The following WDR35 variants were observed in gnomAD, a reference collection of about 807,000 sequenced individuals.
WDR35 encodes WD repeat domain 35.
A neutral mutation model predicts 158.3 loss-of-function variants in WDR35; 118 were observed. The observed-to-expected ratio is 0.75, with a 90% CI of 0.64 to 0.87. The LOEUF (loss-of-function observed/expected upper bound fraction) is 0.87, where lower values mean the gene tolerates loss of function less well. Ranked by LOEUF, WDR35 falls within the 40% of genes least tolerant of loss-of-function variation. The pLI, the probability that WDR35 is intolerant of heterozygous loss-of-function variation, is 0.00. For missense variants in WDR35, 1,263 were observed against 1,405.8 expected (o/e 0.90, Z 1.62); for synonymous variants, 448 against 476.1 (o/e 0.94, Z 0.77).
intron 7 of WDR35, 25 bp from the exon 8 acceptor site, chr2:19,973,733 T>G (rs1384688505): frequency 6.2e-7 from 1 of 1,604,098 alleles, no homozygotes; most frequent in Admixed American, 1.7e-5. Flanking sequence ...AAAAATGAGG[T>G]CACTGTGGGA....
chr2:19,913,463 C>G lies in WDR35; in HGVS notation c.*95G>C. ...ATAAATAATGAGGCTGATTTTCATA[C>G]AAAACTCACAGAAATAAACCTTATT... On this transcript the variant is annotated 3_prime_UTR_variant, in exon 27 of 27. Transcript: ENST00000281405. The G allele has an allele frequency of 6.7e-7, 1 of 1,490,832 alleles. No homozygotes were observed. Among genetic ancestry groups the G allele is most frequent in the Non-Finnish European group, 9.2e-7 (1 of 1,089,618 alleles). The allele number at this position is 1,490,832 out of a possible 1,614,324, so 92.4% of individuals were successfully genotyped here.
At chr2:19,976,682 T>C (rs571707363) in intron 5 of WDR35, among the ~76,000 whole-genome samples, 2 of 137,412 alleles carry the variant, frequency 1.5e-5, no homozygotes, top group Non-Finnish European at 3.1e-5. Flanking sequence ...CTAAAGCCAA[T>C]TGATACTTTT....
Position 19,945,684 on chromosome 2 carries a change from C to T in WDR35, c.1845+102G>A. ...AGAAATTCATGCAGCCGTGTTGGCACTGCTATTCAACAAACTTCTTAAAGA... is the reference window on the plus strand; with the variant it reads ...AGAAATTCATGCAGCCGTGTTGGCATTGCTATTCAACAAACTTCTTAAAGA... On this transcript the variant is annotated intron_variant, in intron 16 of 26. Transcript: ENST00000281405. 2.4e-6 allele frequency: 3 copies of T among 1,274,198 alleles called. No homozygotes were observed. The South Asian group carries it at 3.6e-5, about 15-fold the overall frequency. 78.9% of individuals were successfully genotyped at this position (1,274,198 alleles called of 1,614,324 possible). A position where few individuals can be genotyped will look rare whatever the true frequency, so the allele number is the denominator to read the frequency against.
intron 24 of WDR35, among the ~76,000 whole-genome samples, chr2:19,930,973 A>G (rs1418849452): frequency 6.6e-6 from 1 of 152,226 alleles, no homozygotes; most frequent in Non-Finnish European, 1.5e-5. Context: ...AAGTTTTAAA[A>G]CTCACTGATT....
Position 19,938,070 on chromosome 2 carries a change from T to C in WDR35, c.2064-124A>G, listed in dbSNP as rs140617897. ...TAGAGAAACATGGTGGAAAGTAACA[T>C]ATGCAAACATTTTTCAAATAATTTT... On this transcript the variant is annotated intron_variant, in intron 18 of 26. Transcript: ENST00000281405. 5.0e-4 allele frequency: 689 copies of C among 1,366,776 alleles called. 2 individuals carry two copies. The African/African-American group carries it at 8.9e-3, about 18-fold the overall frequency. The allele number at this position is 1,366,776 out of a possible 1,614,324, so 84.7% of individuals were successfully genotyped here. A position where few individuals can be genotyped will look rare whatever the true frequency, so the allele number is the denominator to read the frequency against.
At chr2:19,919,399 G>GA (rs753129441) in intron 25 of WDR35, among the ~76,000 whole-genome samples, 66 of 85,138 alleles carry the variant, frequency 7.8e-4, no homozygotes, top group African/African-American at 2.8e-3. Flanking sequence ...AAAAAAAAAA[G>GA]AAAAGAAAAA....
At chr2:19,947,831 T>G (rs901271859) in intron 14 of WDR35, among the ~76,000 whole-genome samples, 1 of 152,218 alleles carries the variant, frequency 6.6e-6, no homozygotes. Context: ...ATCCCTGTAC[T>G]GCTTTCATAA....
intron 25 of WDR35, among the ~76,000 whole-genome samples, chr2:19,924,749 C>T (rs962525514): frequency 3.9e-5 from 6 of 152,024 alleles, no homozygotes; most frequent in Non-Finnish European, 1.5e-5. Flanking sequence ...TCTGCTAGCA[C>T]GAGCAATGGC....
chr2:19,933,262 T>G (rs1172964061), intron 22 of WDR35, 139 bp downstream of exon 22: 11 of 733,818 alleles, frequency 1.5e-5, no homozygotes, highest in Non-Finnish European at 2.6e-5. Context: ...CCTGGCTCCT[T>G]TCATAAAATT....
intron 10 of WDR35, among the ~76,000 whole-genome samples, chr2:19,965,494 G>A (rs1671820191): frequency 6.6e-6 from 1 of 152,208 alleles, no homozygotes; most frequent in Non-Finnish European, 1.5e-5. Context: ...TCTTGAACAG[G>A]TCGAATTCTC....
chr2:19,972,368 T>TTTAGAACCCATG (rs1672058632), intron 8 of WDR35, among the ~76,000 whole-genome samples: 1 of 152,172 alleles, frequency 6.6e-6, no homozygotes, highest in Non-Finnish European at 1.5e-5. Flanking sequence ...ACAAACAGAC[T>TTTAGAACCCATG]TTAGAACCCA....
chr2:19,910,901 C>A lies in WDR35; in HGVS notation c.*2657G>T, dbSNP rs553250939. On this transcript the variant is annotated 3_prime_UTR_variant, in exon 27 of 27. Transcript: ENST00000281405. ...GATACCAAAGAGGCATAAGCTTTTACAAAAGTAAAAAAGATGTGCCTGTCT... is the reference window on the plus strand; with the variant it reads ...GATACCAAAGAGGCATAAGCTTTTAAAAAAGTAAAAAAGATGTGCCTGTCT... 1.3e-5 allele frequency: 2 copies of A among 152,186 alleles called. No homozygotes were observed. The highest frequency in any genetic ancestry group is 3.9e-4 in the East Asian group (2 of 5,186). 9.4% of individuals were successfully genotyped at this position (152,186 alleles called of 1,614,324 possible). A position where few individuals can be genotyped will look rare whatever the true frequency, so the allele number is the denominator to read the frequency against.
chr2:19,924,321 T>G (rs1173657014), intron 25 of WDR35, among the ~76,000 whole-genome samples: 1 of 151,932 alleles, frequency 6.6e-6, no homozygotes, highest in Non-Finnish European at 1.5e-5. Context: ...TCCCAGCACT[T>G]TGGGAGGCTG....
At chr2:19,930,774 A>C (rs1358536152) in intron 24 of WDR35, among the ~76,000 whole-genome samples, 1 of 152,182 alleles carries the variant, frequency 6.6e-6, no homozygotes, top group East Asian at 1.9e-4. Flanking sequence ...TCATGGACTC[A>C]AGTGATCCTC....
rs200140363 is a variant in WDR35 at position 19,953,852 on chromosome 2, C to T, written c.1382G>A (p.Arg461Gln). 14 of 1,614,074 alleles carry T rather than the reference C, an allele frequency of 8.7e-6. No individual in the cohort carries two copies. Among genetic ancestry groups the T allele is most frequent in the South Asian group, 6.6e-5 (6 of 91,080 alleles). ...ALEINQITRS[R>Q]KEGRERIYHV... ...GATATACCTTTCTCTCCCTTCTTTTCGAGACCGTGTGATCTGATTAATTTC... is the reference window on the plus strand; with the variant it reads ...GATATACCTTTCTCTCCCTTCTTTTTGAGACCGTGTGATCTGATTAATTTC... Residue 461 changes from arginine (R) to glutamine (Q), a missense_variant, in exon 12 of 27, where the codon CGA becomes CAA. Coordinates refer to ENST00000281405, the MANE Select transcript of WDR35 (RefSeq NM_020779.4).
chr2:19,931,318 T>C lies in WDR35; in HGVS notation c.2915A>G (p.Glu972Gly), dbSNP rs1191778. ...LSALLIEQYH[E>G]QMKNAQRGKV... ...TCCTCGCTGGGCATTCTTCATCTGT[T>C]CATGGTATTGCTCTATAAGTAAGGC... The change falls in exon 24 of 27, where the codon GAA (glutamate) becomes GGA (glycine). Residue 972 changes from glutamate to glycine, a missense_variant. Transcript: ENST00000281405. The C allele has an allele frequency of 0.37, 592,658 of 1,612,832 alleles. 114,307 individuals are homozygous for C. Among genetic ancestry groups the C allele is most frequent in the Non-Finnish European group, 0.4 (472,262 of 1,179,368 alleles).
At chr2:19,931,504 AAGG>A in intron 23 of WDR35, 95 bp from the exon 24 acceptor site, 1 of 1,404,378 alleles carries the variant, frequency 7.1e-7, no homozygotes, top group Non-Finnish European at 9.9e-7. Context: ...TTCCCTAAAA[AAGG>A]AGGAAAATCA....
chr2:19,958,418 C>T (rs147523979), intron 11 of WDR35, among the ~76,000 whole-genome samples: 8 of 152,216 alleles, frequency 5.3e-5, no homozygotes, highest in African/African-American at 1.4e-4. Flanking sequence ...ATACCTAGCA[C>T]GCAGTAGGGA....
Position 19,931,312 on chromosome 2 carries a change from A to G in WDR35, c.2921T>C (p.Met974Thr). ...AACTTTTCCTCGCTGGGCATTCTTC[A>G]TCTGTTCATGGTATTGCTCTATAAG... Reference protein sequence around the residue: ...ALLIEQYHEQMKNAQRGKVKG... With the variant: ...ALLIEQYHEQTKNAQRGKVKG... The change falls in exon 24 of 27, where the codon ATG becomes ACG. Residue 974 changes from methionine to threonine, a missense_variant. By Grantham distance (81) the Met-to-Thr change is moderately conservative (BLOSUM62 -1). Coordinates refer to ENST00000281405, the MANE Select transcript of WDR35 (RefSeq NM_020779.4). 1 of 1,612,046 alleles carries G rather than the reference A, an allele frequency of 6.2e-7. No individual in the cohort carries two copies. The highest frequency in any genetic ancestry group is 8.5e-7 in the Non-Finnish European group (1 of 1,179,584).
Sources: gnomAD v4.1 joint callset for allele counts (sites outside exome capture counted in the v4.1 genomes callset) on GRCh38, gnomAD v4.1.1 for gene constraint, MANE v1.5 for transcripts, NCBI Gene and HGNC (gene_info 2026-07-23, HGNC 2026-07-21) for gene names.